TRIM49C: variants seen among roughly 807,000 people sequenced by gnomAD.
TRIM49C encodes the protein tripartite motif containing 49C.
A neutral mutation model predicts 21.4 loss-of-function variants in TRIM49C; 6 were observed. The observed-to-expected ratio is 0.28, with a 90% CI of 0.15 to 0.55. The LOEUF (loss-of-function observed/expected upper bound fraction) is 0.55, where lower values mean the gene tolerates loss of function less well. TRIM49C is among the 20% of genes least tolerant of loss of function. The pLI is 0.94. For synonymous variants in TRIM49C, 57 were observed against 148.1 expected, an observed-to-expected ratio of 0.38 and a Z score of 4.47; for missense variants, 161 against 442.4, an observed-to-expected ratio of 0.36 and a Z score of 5.71.
the TRIM49C span, chr11:90,073,531 T>C: frequency 1.6e-5 from 5 of 316,472 alleles, no homozygotes; most frequent in South Asian, 3.0e-5. Context: ...GTAGAAGATA[T>C]GTAAAATGCA....
the TRIM49C span, among the ~76,000 whole-genome samples, chr11:90,055,636 G>A: frequency 6.7e-6 from 1 of 150,322 alleles, no homozygotes; most frequent in African/African-American, 2.4e-5. Context: ...CTATAGGATG[G>A]GAATAAATGC....
the TRIM49C span, among the ~76,000 whole-genome samples, chr11:90,056,265 G>A: frequency 2.9e-5 from 4 of 137,090 alleles, 1 homozygote; most frequent in Non-Finnish European, 4.8e-5. Flanking sequence ...CAGCCCATCT[G>A]GATTCTTATT....
the TRIM49C span, among the ~76,000 whole-genome samples, chr11:90,069,247 G>A: frequency 8.1e-6 from 1 of 123,988 alleles, no homozygotes; most frequent in Non-Finnish European, 1.6e-5. Context: ...TGGGACTACA[G>A]GCGCTCGCCA....
chr11:90,036,187 G>A (rs1950726701), intron 4 of TRIM49C, among the ~76,000 whole-genome samples: 1 of 110,594 alleles, frequency 9.0e-6, no homozygotes, highest in African/African-American at 3.7e-5. Flanking sequence ...AACTACTGAT[G>A]TCACCCAAAG....
downstream of TRIM49C, among the ~76,000 whole-genome samples, chr11:90,045,068 C>A (rs1950792532): frequency 8.1e-6 from 1 of 124,036 alleles, no homozygotes; most frequent in African/African-American, 2.9e-5. Flanking sequence ...TCAGATTTGT[C>A]AAAGATCAGA....
downstream of TRIM49C, among the ~76,000 whole-genome samples, chr11:90,043,148 G>C (rs1590917985): frequency 7.0e-6 from 1 of 143,554 alleles, no homozygotes; most frequent in African/African-American, 2.5e-5. Context: ...TAGGAGCCCA[G>C]GCATGGTGGC....
chr11:90,066,315 G>A, the TRIM49C span, among the ~76,000 whole-genome samples: 3 of 138,844 alleles, frequency 2.2e-5, 1 homozygote, highest in African/African-American at 5.2e-5. Context: ...CCACTGCACC[G>A]GGCCACATGC....
At chr11:90,072,671 A>C in the TRIM49C span, among the ~76,000 whole-genome samples, 2 of 132,722 alleles carry the variant, frequency 1.5e-5, no homozygotes, top group African/African-American at 5.7e-5. Flanking sequence ...AAAGGTCGCT[A>C]ACTAGACATA....
chr11:90,039,632 C>A lies in TRIM49C; in HGVS notation c.762-233C>A, dbSNP rs1172930942. Among the ~76,000 whole-genome samples, 3 of 123,782 alleles carry A rather than the reference C, an allele frequency of 2.4e-5. No individual in the cohort carries two copies. The East Asian group carries it at 7.4e-4, about 30-fold the overall frequency. 81.2% of individuals were successfully genotyped at this position (123,782 alleles called of 152,430 possible). A position where few individuals can be genotyped will look rare whatever the true frequency, so the allele number is the denominator to read the frequency against. On this transcript the variant is annotated intron_variant, in intron 6 of 7. Transcript: ENST00000448984. ...AAGGCCATAAAGCTAAGGAACCTTA[C>A]ACATTTGGAGCAAAAAAAAAAGAAG...
At chr11:90,035,686 T>C in intron 3 of TRIM49C, 64 bp downstream of exon 3, 1 of 1,375,476 alleles carries the variant, frequency 7.3e-7, no homozygotes, top group East Asian at 2.8e-5. Flanking sequence ...GGGTCTATTT[T>C]CTTGGAGATT....
intron 7 of TRIM49C, 63 bp from the exon 8 acceptor site, chr11:90,040,988 C>G (rs1314038619): frequency 6.8e-7 from 1 of 1,462,146 alleles, no homozygotes; most frequent in African/African-American, 1.4e-5. Context: ...CTTGATAGAA[C>G]AATTATTTTT....
At chr11:90,048,580 C>A in the TRIM49C span, among the ~76,000 whole-genome samples, 1 of 133,180 alleles carries the variant, frequency 7.5e-6, no homozygotes, top group Non-Finnish European at 1.6e-5. Context: ...ATTGTGCATT[C>A]ATCACGTAGT....
At chr11:90,059,861 C>T in the TRIM49C span, among the ~76,000 whole-genome samples, 1 of 147,480 alleles carries the variant, frequency 6.8e-6, no homozygotes, top group African/African-American at 2.6e-5. Context: ...AGGAGCAAAA[C>T]ATCCCTCCTC....
chr11:90,039,195 A>G lies in TRIM49C; in HGVS notation c.761+480A>G. Among the ~76,000 whole-genome samples the G allele has an allele frequency of 1.5e-5, 2 of 133,500 alleles. 1 individual carries two copies. The highest frequency in any genetic ancestry group is 1.7e-4 in the Admixed American group (2 of 11,572). The allele number at this position is 133,500 out of a possible 152,430, so 87.6% of individuals were successfully genotyped here. The stretch of plus-strand genomic sequence containing the variant: ...CGGCCTCCCAAAGTGCTGGGATTAC[A>G]GGCGTGAACCACCGTGCCCGGCCCC... On this transcript the variant is annotated intron_variant, in intron 6 of 7. Coordinates refer to ENST00000448984, the MANE Select transcript of TRIM49C (RefSeq NM_001195234.1).
At chr11:90,042,474 G>A (rs1480311880), downstream of TRIM49C, among the ~76,000 whole-genome samples, 1 of 128,668 alleles carries the variant, frequency 7.8e-6, no homozygotes, top group Non-Finnish European at 1.6e-5. Context: ...ACAGAAGATT[G>A]GCTAAAATAT....
At chr11:90,046,641 A>T (rs1400159196), downstream of TRIM49C, among the ~76,000 whole-genome samples, 2 of 121,166 alleles carry the variant, frequency 1.7e-5, no homozygotes, top group East Asian at 2.6e-4. Context: ...TATTGCATCT[A>T]TTTGATTCTT....
At chr11:90,064,351 T>G in the TRIM49C span, among the ~76,000 whole-genome samples, 1 of 151,568 alleles carries the variant, frequency 6.6e-6, no homozygotes, top group East Asian at 1.9e-4. Flanking sequence ...CTATAATAAT[T>G]AACAAGAATT....
intron 3 of TRIM49C, 108 bp from the exon 4 acceptor site, chr11:90,035,780 G>C (rs531198537): frequency 1.8e-6 from 1 of 542,888 alleles, no homozygotes; most frequent in Non-Finnish European, 3.0e-6. Flanking sequence ...CAAACATGAA[G>C]GGAAACAAAG....
the TRIM49C span, among the ~76,000 whole-genome samples, chr11:90,072,413 A>G: frequency 1.4e-5 from 2 of 147,972 alleles, no homozygotes; most frequent in Admixed American, 1.4e-4. Flanking sequence ...AATTCTGGCA[A>G]GGAATCTGCA....
Sources: allele counts gnomAD v4.1 joint callset (sites outside exome capture counted in the v4.1 genomes callset), GRCh38; gene constraint gnomAD v4.1.1; transcripts MANE v1.5; gene names NCBI Gene and HGNC (gene_info 2026-07-23, HGNC 2026-07-21).